The following NRG1 variants were observed in gnomAD, a reference collection of about 807,000 sequenced individuals.
NRG1 encodes pro-neuregulin-1, membrane-bound isoform.
A neutral mutation model predicts 63.8 loss-of-function variants in NRG1; 18 were observed. That is an observed-to-expected ratio of 0.28 (90% confidence interval 0.19 to 0.42). The LOEUF is 0.42. Among genes scored for constraint, NRG1 ranks in the 10% least tolerant of loss-of-function variants. The pLI, the probability that NRG1 is intolerant of heterozygous loss-of-function variation, is 1.00. For missense variants in NRG1, 762 were observed against 814.7 expected (o/e 0.94, Z 0.79); for synonymous variants, 302 against 301.3 (o/e 1.00, Z -0.02).
At position 32,465,480 on chromosome 8, in the gene NRG1, T is replaced by C. The variant is rs1378626471; in HGVS notation, c.38-130348T>C. Among the ~76,000 whole-genome samples, 4 of 152,348 alleles carry C rather than the reference T, an allele frequency of 2.6e-5. No individual in the cohort carries two copies. In the East Asian group the frequency reaches 5.8e-4, roughly 22 times the overall value. ...GAAAGTAGTTTTTGGATATTCATGG[T>C]TTATTGCTGACAGTTAACGTTCTCA... On this transcript the variant is annotated intron_variant, in intron 1 of 10. Coordinates refer to the NRG1 transcript ENST00000519301.
At chr8:32,186,391 G>A (rs1841966341) in intron 1 of NRG1, among the ~76,000 whole-genome samples, 1 of 151,298 alleles carries the variant, frequency 6.6e-6, no homozygotes, top group South Asian at 2.1e-4. Flanking sequence ...AACCCAGCTG[G>A]CGGAGTTTGC....
At chr8:32,020,708 T>C (rs1816291894) in intron 1 of NRG1, among the ~76,000 whole-genome samples, 1 of 152,230 alleles carries the variant, frequency 6.6e-6, no homozygotes, top group Non-Finnish European at 1.5e-5. Flanking sequence ...GGATAATTTA[T>C]AACAAATATT....
At chr8:32,366,677 G>GTGTGTGTGTATA (rs1164696498) in intron 1 of NRG1, among the ~76,000 whole-genome samples, 4 of 87,522 alleles carry the variant, frequency 4.6e-5, no homozygotes, top group African/African-American at 1.9e-4. Flanking sequence ...GTGTGTGTGT[G>GTGTGTGTGTATA]TATATATATA....
intron 1 of NRG1, among the ~76,000 whole-genome samples, chr8:31,881,463 C>G (rs1258235712): frequency 6.6e-6 from 1 of 152,122 alleles, no homozygotes; most frequent in African/African-American, 2.4e-5. Context: ...TTCCTTGAGA[C>G]AAAATAATAC....
chr8:31,740,507 A>G (rs1318516902), intron 1 of NRG1, among the ~76,000 whole-genome samples: 1 of 152,054 alleles, frequency 6.6e-6, no homozygotes, highest in East Asian at 1.9e-4. Context: ...TTTAAATAGA[A>G]GAAAATGATA....
chr8:32,433,740 T>G (rs1462576686), intron 1 of NRG1, among the ~76,000 whole-genome samples: 1 of 152,156 alleles, frequency 6.6e-6, no homozygotes, highest in African/African-American at 2.4e-5. Context: ...TCTTTCCTAC[T>G]GGTATAAAAT....
intron 1 of NRG1, among the ~76,000 whole-genome samples, chr8:32,048,434 CATATATACATACATATATAT>C (rs1202634719): frequency 1.6e-4 from 12 of 73,078 alleles, no homozygotes; most frequent in South Asian, 5.6e-4. Flanking sequence ...CATATGTACA[CATATATACATACATATATAT>C]ATATATATAT....
At chr8:32,280,680 GTTTTTTTTTTGTTTTT>G (rs1374677710) in intron 1 of NRG1, among the ~76,000 whole-genome samples, 7 of 53,758 alleles carry the variant, frequency 1.3e-4, no homozygotes, top group East Asian at 1.7e-3. Context: ...ACTGAATTAG[GTTTTTTTTTTGTTTTT>G]TTTTTTTTTT....
Position 32,368,615 on chromosome 8 carries a change from C to A in NRG1, c.38-227213C>A, listed in dbSNP as rs557131521. 2.0e-5 allele frequency among the ~76,000 whole-genome samples: 3 copies of A among 152,216 alleles called. No homozygotes were observed. The South Asian group carries it at 6.2e-4, about 32-fold the overall frequency. On this transcript the variant is annotated intron_variant, in intron 1 of 10. Transcript: ENST00000519301. ...GTACTTCTATTTATTTCTTCACCTG[C>A]TAATTTAGCTTGTTCAAGTGTAGAA...
At chr8:32,406,585 T>A (rs2129485062) in intron 1 of NRG1, among the ~76,000 whole-genome samples, 1 of 152,242 alleles carries the variant, frequency 6.6e-6, no homozygotes, top group South Asian at 2.1e-4. Context: ...ACAGATTTAG[T>A]CAGATTTTAG....
rs544622717 is a variant in NRG1 at position 32,024,228 on chromosome 8, T to C, written c.37+384797T>C. Among the ~76,000 whole-genome samples, 4 of 152,346 alleles carry C rather than the reference T, an allele frequency of 2.6e-5. No individual in the cohort carries two copies. In the South Asian group the frequency reaches 8.3e-4, roughly 32 times the overall value. On this transcript the variant is annotated intron_variant, in intron 1 of 10. Coordinates refer to the NRG1 transcript ENST00000519301. Reference sequence around the variant, plus strand: ...TTGAATCGGGAGAGTTAGAGCCTTATACTTTGTTCCTCTGCAAAACTGTAA... The same window carrying C: ...TTGAATCGGGAGAGTTAGAGCCTTACACTTTGTTCCTCTGCAAAACTGTAA...
intron 1 of NRG1, among the ~76,000 whole-genome samples, chr8:32,128,880 C>G (rs1834442108): frequency 6.6e-6 from 1 of 151,934 alleles, no homozygotes; most frequent in Admixed American, 6.6e-5. Flanking sequence ...TTCAAGCCTT[C>G]TCTTTTGCTT....
chr8:32,400,988 G>A (rs1224360423), intron 1 of NRG1, among the ~76,000 whole-genome samples: 3 of 152,204 alleles, frequency 2.0e-5, no homozygotes, highest in Non-Finnish European at 2.9e-5. Flanking sequence ...CATGTCCTTT[G>A]CAGGAACATG....
intron 5 of NRG1, among the ~76,000 whole-genome samples, chr8:32,725,032 A>G (rs186266294): frequency 1.3e-5 from 2 of 152,276 alleles, no homozygotes; most frequent in African/African-American, 4.8e-5. Context: ...TGTTAATCTT[A>G]TTTTGATGAT....
At chr8:31,662,342 A>G (rs1806073308) in intron 1 of NRG1, among the ~76,000 whole-genome samples, 1 of 152,242 alleles carries the variant, frequency 6.6e-6, no homozygotes, top group African/African-American at 2.4e-5. Context: ...AACTGTCCTT[A>G]AAAAGTAAGT....
rs578111446 is a variant in NRG1, at chr8:32,173,691, C to G, written c.38-422137C>G. On this transcript the variant is annotated intron_variant, in intron 1 of 10. Transcript: ENST00000519301. ...ACAAAAAAAGGCAGGGATTACAATT[C>G]TAGTCTCTGATAAAACAGACTTTAA... 1.3e-4 allele frequency among the ~76,000 whole-genome samples: 20 copies of G among 152,252 alleles called. 1 individual carries two copies. The East Asian group carries it at 3.9e-3, about 29-fold the overall frequency.
At chr8:32,102,795 G>T (rs1395364183) in intron 1 of NRG1, among the ~76,000 whole-genome samples, 1 of 152,006 alleles carries the variant, frequency 6.6e-6, no homozygotes, top group African/African-American at 2.4e-5. Flanking sequence ...TAATAGTATC[G>T]AATATTAGTG....
intron 6 of NRG1, chr8:32,728,285 G>A (rs758586955): frequency 6.1e-6 from 6 of 984,140 alleles, no homozygotes; most frequent in Non-Finnish European, 7.2e-6. Flanking sequence ...TCTTTTCAAT[G>A]TGTGTGAGGT....
intron 1 of NRG1, among the ~76,000 whole-genome samples, chr8:32,588,534 A>G (rs1194099072): frequency 6.6e-6 from 1 of 152,236 alleles, no homozygotes; most frequent in East Asian, 1.9e-4. Flanking sequence ...GATGAGTGTT[A>G]GCATAAAATG....
Sources: allele counts gnomAD v4.1 joint callset (sites outside exome capture counted in the v4.1 genomes callset), GRCh38; gene constraint gnomAD v4.1.1; transcripts MANE v1.5; gene names NCBI Gene and HGNC (gene_info 2026-07-23, HGNC 2026-07-21).